The following ZMYM3 variants were observed in gnomAD, a reference collection of about 807,000 sequenced individuals.
ZMYM3 encodes the protein zinc finger MYM-type protein 3.
A neutral mutation model predicts 94.2 loss-of-function variants in ZMYM3; 6 were observed. The ratio of observed to expected loss-of-function variants is 0.06; its 90% CI spans 0.03 to 0.13. The LOEUF (loss-of-function observed/expected upper bound fraction) is 0.13, where lower values mean the gene tolerates loss of function less well. Among genes scored for constraint, ZMYM3 ranks in the 10% least tolerant of loss-of-function variants. ZMYM3 has a pLI of 1.00. For missense variants in ZMYM3, 664 were observed against 1,132.6 expected, an observed-to-expected ratio of 0.59 and a Z score of 5.94; for synonymous variants, 420 against 426.5, an observed-to-expected ratio of 0.98 and a Z score of 0.19.
intron 12 of ZMYM3, 67 bp downstream of exon 12, chrX:71,247,667 T>G: frequency 4.3e-6 from 5 of 1,167,154 alleles, no homozygotes; most frequent in Non-Finnish European, 5.8e-6. Context: ...CACCCCGAGC[T>G]CAGTACCACA....
intron 2 of ZMYM3, chrX:71,251,870 C>T (rs1055552919): frequency 1.3e-6 from 1 of 750,227 alleles, no homozygotes; most frequent in African/African-American, 2.3e-5. Context: ...TAAGGAAACA[C>T]AGGTAATATA....
chrX:71,244,366 C>T lies in ZMYM3; in HGVS notation c.3216G>A (p.Lys1072=). 2 of 1,211,480 alleles carry T rather than the reference C, an allele frequency of 1.7e-6. No individual in the cohort carries two copies. The highest frequency in any genetic ancestry group is 1.7e-5 in the African/African-American group (1 of 57,642). ...TGGCATATTTTGACTGCACCCAGCACTTCCAAGCATTGACACCATATGAAT... is the reference window on the plus strand; with the variant it reads ...TGGCATATTTTGACTGCACCCAGCATTTCCAAGCATTGACACCATATGAAT... ...LNYSYGVNAW[K]CWVQSKYANG... is the part of the protein sequence containing the mutation. Residue 1072 remains lysine, a synonymous_variant, in exon 20 of 25, where the codon AAG becomes AAA. Transcript: ENST00000314425.
chrX:71,248,825 A>G (rs2030310018), intron 8 of ZMYM3, 24 bp from the exon 9 acceptor site: 1 of 1,146,300 alleles, frequency 8.7e-7, no homozygotes, highest in South Asian at 1.9e-5. Context: ...AGAAAGAGAG[A>G]GAGGAAAAGA....
In ZMYM3 at chrX:71,244,889, A is replaced by G. The variant is rs756435740; in HGVS notation, c.3012T>C (p.Pro1004=). 8.4e-7 allele frequency: 1 copy of G among 1,195,255 alleles called. No homozygotes were observed. Among genetic ancestry groups the G allele is most frequent in the South Asian group, 1.8e-5 (1 of 55,781 alleles). The change falls in exon 19 of 25, where the codon CCT becomes CCC. Residue 1004 remains proline, a synonymous_variant. Transcript: ENST00000314425. The part of the protein sequence containing the change: ...QDLEADFPKN[P]LDINPSVDFL... ...AGTCTACACTGGGATTAATGTCCAGAGGATCTAATGAAAAGGAAAGAAAGA... is the reference window on the plus strand; with the variant it reads ...AGTCTACACTGGGATTAATGTCCAGGGGATCTAATGAAAAGGAAAGAAAGA...
chrX:71,244,492 G>A (rs199974721), intron 19 of ZMYM3, 22 bp from the exon 20 acceptor site: 37 of 1,204,118 alleles, frequency 3.1e-5, no homozygotes, highest in Non-Finnish European at 3.1e-5. Flanking sequence ...GAGAAAGCAG[G>A]GGCATGGCAG....
chrX:71,248,069 G>A (rs1337223510), intron 11 of ZMYM3, 93 bp downstream of exon 11: 9 of 1,147,267 alleles, frequency 7.8e-6, no homozygotes, highest in Non-Finnish European at 5.8e-6. Flanking sequence ...AGAAGGCCCT[G>A]CCTCATGGAC....
intron 23 of ZMYM3, among the ~76,000 whole-genome samples, chrX:71,241,557 G>T (rs770644740): frequency 1.8e-5 from 2 of 111,193 alleles, no homozygotes; most frequent in Non-Finnish European, 3.8e-5. Flanking sequence ...AGTTCCCACT[G>T]CCAAAGACTC....
intron 6 of ZMYM3, 77 bp from the exon 7 acceptor site, chrX:71,249,756 C>G: frequency 1.7e-6 from 2 of 1,148,799 alleles, no homozygotes; most frequent in Non-Finnish European, 2.3e-6. Context: ...AGCCCCCCAC[C>G]TCACCCTAGA....
Position 71,249,514 on chromosome X carries a change from C to T in ZMYM3, c.1417G>A (p.Glu473Lys), listed in dbSNP as rs1203855215. 7 of 1,201,801 alleles carry T rather than the reference C, an allele frequency of 5.8e-6. No homozygotes were observed. Among genetic ancestry groups the T allele is most frequent in the Non-Finnish European group, 7.9e-6 (7 of 891,111 alleles). Residue 473 changes from glutamate to lysine, a missense_variant, in exon 7 of 25, where the codon GAG becomes AAG. Coordinates refer to ENST00000314425, the MANE Select transcript of ZMYM3 (RefSeq NM_201599.3). The part of the protein sequence containing the change: ...GSPGPELLFH[E>K]GQQKRFCNTT... ...TTGCAGAACCGCTTTTGTTGGCCCT[C>T]GTGGAAGAGGAGCTCAGGGCCAGGA... is the stretch of plus-strand genomic sequence containing the variant.
chrX:71,244,115 C>A, intron 20 of ZMYM3, 135 bp from the exon 21 acceptor site: 1 of 988,081 alleles, frequency 1.0e-6, no homozygotes, highest in African/African-American at 1.9e-5. Context: ...GAGCCCCTAA[C>A]CTGGAACCTA....
rs1728490495 is a variant in ZMYM3 at position 71,247,995 on chromosome X, CCTCT to C, written c.1976-93_1976-90del. 16 of 1,094,200 alleles carry C rather than the reference CCTCT, an allele frequency of 1.5e-5. No individual in the cohort carries two copies. The South Asian group carries it at 1.6e-4, about 11-fold the overall frequency. The allele number at this position is 1,094,200 out of a possible 1,213,427, so 90.2% of individuals were successfully genotyped here. A position where few individuals can be genotyped will look rare whatever the true frequency, so the allele number is the denominator to read the frequency against. On this transcript the variant is annotated intron_variant, in intron 11 of 24. Coordinates refer to ENST00000314425, the MANE Select transcript of ZMYM3 (RefSeq NM_201599.3). ...CCTTTTCAAGGTGCTATACCTGAAACCTCTCTCTAAGCAGCCCCTTGTGCCCAAA... is the reference window on the plus strand; with the variant it reads ...CCTTTTCAAGGTGCTATACCTGAAACCTCTAAGCAGCCCCTTGTGCCCAAA...
intron 2 of ZMYM3, 40 bp from the exon 3 acceptor site, chrX:71,251,641 C>A: frequency 5.3e-6 from 6 of 1,131,772 alleles, no homozygotes; most frequent in South Asian, 2.2e-5. Flanking sequence ...GTTGAGCCTG[C>A]CCTCACCACC....
At position 71,252,894 on chromosome X, in the gene ZMYM3, G is replaced by A. The variant is rs373916954; in HGVS notation, c.362C>T (p.Pro121Leu). 4.1e-6 allele frequency: 5 copies of A among 1,209,369 alleles called. No individual in the cohort carries two copies. Among genetic ancestry groups the A allele is most frequent in the Non-Finnish European group, 5.6e-6 (5 of 894,643 alleles). ...CCCTGGATCAGGTGGTACCACCTCA[G>A]GGGTCTGGCCCCCTGGTCCAGGCTC... The part of the protein sequence containing the change: ...TLEPGPGGQT[P>L]EVVPPDPGAG... Residue 121 changes from proline to leucine, a missense_variant, in exon 2 of 25, where the codon CCT (proline) becomes CTT (leucine). Around this residue, in one of 9 missense-constraint regions of ZMYM3, gnomAD observed 196 missense variants for 190.8 expected, o/e 1.03. Transcript: ENST00000314425.
rs1205981263 is a variant in ZMYM3, at chrX:71,244,822, T to C, written c.3079A>G (p.Thr1027Ala). 8.3e-7 allele frequency: 1 copy of C among 1,208,538 alleles called. No homozygotes were observed. The highest frequency in any genetic ancestry group is 2.2e-5 in the Admixed American group (1 of 45,800). Reference sequence around the variant, plus strand: ...ATGGTTCGGGGAAGGTCTTGTTCAGTAGACACATCCTCAGGCCCTACCAGG... The same window carrying C: ...ATGGTTCGGGGAAGGTCTTGTTCAGCAGACACATCCTCAGGCCCTACCAGG... The part of the protein sequence containing the change: ...CGLVGPEDVS[T>A]EQDLPRTMRK... Residue 1027 changes from threonine to alanine, a missense_variant, in exon 19 of 25, where the codon ACT becomes GCT. Coordinates refer to ENST00000314425, the MANE Select transcript of ZMYM3 (RefSeq NM_201599.3).
intron 22 of ZMYM3, 124 bp downstream of exon 22, chrX:71,242,846 G>C (rs1039710883): frequency 7.4e-5 from 46 of 618,496 alleles, no homozygotes; most frequent in Non-Finnish European, 1.1e-4. Context: ...GAGGCATCCA[G>C]CTACACGCTC....
chrX:71,254,978 C>T (rs185241322), upstream of ZMYM3: 5 of 110,184 alleles, frequency 4.5e-5, no homozygotes, highest in Admixed American at 4.8e-4. Flanking sequence ...AAAGCTACCC[C>T]CTACTCTCTC....
At chrX:71,251,633 T>TGA (rs1287751724) in intron 2 of ZMYM3, 32 bp from the exon 3 acceptor site, 21 of 1,167,021 alleles carry the variant, frequency 1.8e-5, no homozygotes, top group Non-Finnish European at 2.4e-5. Context: ...GCCTAAATGT[T>TGA]GAGCCTGCCC....
chrX:71,253,826 G>A (rs1290413265), intron 1 of ZMYM3, among the ~76,000 whole-genome samples: 11 of 77,274 alleles, frequency 1.4e-4, no homozygotes, highest in Non-Finnish European at 2.2e-4. Flanking sequence ...TACCTTTCAG[G>A]TCGCCCACTT....
chrX:71,249,947 G>T (rs1330399982), intron 6 of ZMYM3, 79 bp downstream of exon 6: 1 of 1,108,999 alleles, frequency 9.0e-7, no homozygotes, highest in African/African-American at 1.9e-5. Context: ...ACAGGGCCTG[G>T]ACCCTGCAGC....
Sources: gnomAD v4.1 joint callset for allele counts (sites outside exome capture counted in the v4.1 genomes callset) on GRCh38, gnomAD v4.1.1 for gene constraint, gnomAD v4.1.1 regional missense constraint, MANE v1.5 for transcripts, NCBI Gene and HGNC (gene_info 2026-07-23, HGNC 2026-07-21) for gene names.